Variants in LRIG2 observed in about 807,000 individuals in gnomAD.
The protein encoded by LRIG2 is leucine-rich repeats and immunoglobulin-like domains protein 2.
In LRIG2, 93 loss-of-function variants were observed where a neutral mutation model predicts 107.8. The observed-to-expected ratio is 0.86, with a 90% CI of 0.73 to 1.03. The LOEUF is 1.03. Ranked by LOEUF, LRIG2 falls within the 50% of genes least tolerant of loss-of-function variation. LRIG2 has a pLI of 0.00. For missense variants in LRIG2, 1,226 were observed against 1,296.0 expected (o/e 0.95, Z 0.83); for synonymous variants, 471 against 470.6 (o/e 1.00, Z -0.01).
chr1:113,104,930 G>A (rs981245468), intron 11 of LRIG2, among the ~76,000 whole-genome samples: 1 of 152,060 alleles, frequency 6.6e-6, no homozygotes, highest in Non-Finnish European at 1.5e-5. Context: ...GGCAGATCAC[G>A]AGGTCATGAG....
chr1:113,114,342 AC>A, intron 14 of LRIG2, 84 bp from the exon 15 acceptor site: 2 of 750,056 alleles, frequency 2.7e-6, no homozygotes, highest in Non-Finnish European at 4.3e-6. Flanking sequence ...ATTTTATTAT[AC>A]CCCCATTGGT....
In LRIG2 at chr1:113,115,806, G is replaced by A. The variant is rs1216792; in HGVS notation, c.2531-481G>A. Among the ~76,000 whole-genome samples, 661 of 152,282 alleles carry A rather than the reference G, an allele frequency of 4.3e-3. 4 individuals are homozygous for A. Among genetic ancestry groups the A allele is most frequent in the African/African-American group, 0.015 (636 of 41,548 alleles). ...CTCCCAGAGGGCTGGGATTACAAGC[G>A]TGAGCCACCACGCCCGGCCAAACTT... On this transcript the variant is annotated intron_variant, in intron 15 of 17. Transcript: ENST00000361127.
intron 1 of LRIG2, among the ~76,000 whole-genome samples, chr1:113,082,127 C>G (rs1477172065): frequency 6.6e-6 from 1 of 152,232 alleles, no homozygotes; most frequent in African/African-American, 2.4e-5. Flanking sequence ...TTGCAACAGT[C>G]ATTTCAAAGC....
At position 113,080,540 on chromosome 1, in the gene LRIG2, C is replaced by T. The variant is rs540716146; in HGVS notation, c.239+6895C>T. 2.8e-3 allele frequency among the ~76,000 whole-genome samples: 423 copies of T among 151,964 alleles called. 2 individuals carry two copies. Among genetic ancestry groups the T allele is most frequent in the African/African-American group, 8.8e-3 (365 of 41,464 alleles). On this transcript the variant is annotated intron_variant, in intron 1 of 17. Coordinates refer to ENST00000361127, the MANE Select transcript of LRIG2 (RefSeq NM_014813.3). ...GACTACAGGCACCTACCACCACGCCCGGCTAATTTTTTGTATTTTCAGTAG... is the reference window on the plus strand; with the variant it reads ...GACTACAGGCACCTACCACCACGCCTGGCTAATTTTTTGTATTTTCAGTAG...
At chr1:113,098,171 G>GC (rs1477401563) in intron 8 of LRIG2, among the ~76,000 whole-genome samples, 3 of 152,076 alleles carry the variant, frequency 2.0e-5, no homozygotes, top group African/African-American at 7.2e-5. Context: ...CTGATGACAC[G>GC]CTAACACATG....
chr1:113,107,177 G>A (rs2101050921), intron 11 of LRIG2, among the ~76,000 whole-genome samples: 1 of 152,126 alleles, frequency 6.6e-6, no homozygotes, highest in South Asian at 2.1e-4. Context: ...TATTTTTTAA[G>A]AACAAGTACA....
chr1:113,084,040 A>ACAATAT (rs1653422910), intron 1 of LRIG2, among the ~76,000 whole-genome samples: 1 of 129,342 alleles, frequency 7.7e-6, no homozygotes, highest in Non-Finnish European at 1.7e-5. Flanking sequence ...AATAATAATA[A>ACAATAT]TATTGGCCTT....
At chr1:113,104,503 A>G (rs1194711143) in intron 11 of LRIG2, among the ~76,000 whole-genome samples, 4 of 151,894 alleles carry the variant, frequency 2.6e-5, no homozygotes, top group Non-Finnish European at 5.9e-5. Flanking sequence ...GAGATTACAC[A>G]TCATGGCAAA....
At chr1:113,094,996 A>G (rs1331417409) in intron 6 of LRIG2, among the ~76,000 whole-genome samples, 3 of 82,032 alleles carry the variant, frequency 3.7e-5, no homozygotes, top group East Asian at 5.3e-4. Flanking sequence ...TTTTTTTGAG[A>G]TGGAGTCTCA....
chr1:113,118,704 G>C (rs1294160720), intron 16 of LRIG2, among the ~76,000 whole-genome samples: 2 of 150,702 alleles, frequency 1.3e-5, no homozygotes, highest in Admixed American at 1.3e-4. Context: ...TCGCTGTGTC[G>C]CCCAGGCTGG....
chr1:113,114,634 A>C lies in LRIG2; in HGVS notation c.2288A>C (p.Lys763Thr), dbSNP rs1218452503. The change falls in exon 15 of 18, where the codon AAA (lysine) becomes ACA (threonine). Residue 763 changes from lysine (K) to threonine (T), a missense_variant. By Grantham distance (78) the Lys-to-Thr change is moderately conservative. This residue lies in a region of LRIG2 where 642 missense variants were observed against 712.2 expected (regional missense o/e 0.90). Transcript: ENST00000361127. ...GATGCCGGGCTAGAAGATGCTGGGAAATATACCTGCATTATGTCTAACACC... is the reference window on the plus strand; with the variant it reads ...GATGCCGGGCTAGAAGATGCTGGGACATATACCTGCATTATGTCTAACACC... The part of the protein sequence containing the change: ...IVDAGLEDAG[K>T]YTCIMSNTLG... 6 of 1,614,028 alleles carry C rather than the reference A, an allele frequency of 3.7e-6. No homozygotes were observed. In the East Asian group the frequency reaches 1.3e-4, roughly 36 times the overall value.
intron 17 of LRIG2, 122 bp downstream of exon 17, chr1:113,119,645 G>A: frequency 1.2e-6 from 1 of 816,126 alleles, no homozygotes; most frequent in Non-Finnish European, 1.9e-6. Context: ...AGGAGTAACT[G>A]GCCATTGTTA....
intron 1 of LRIG2, 40 bp downstream of exon 1, chr1:113,073,685 G>T (rs1176953235): frequency 6.4e-7 from 1 of 1,572,088 alleles, no homozygotes; most frequent in South Asian, 1.1e-5. Flanking sequence ...AAAGGAGGGG[G>T]AGCCTTCCCT....
At chr1:113,092,281 A>G (rs1653862711) in intron 2 of LRIG2, among the ~76,000 whole-genome samples, 1 of 152,220 alleles carries the variant, frequency 6.6e-6, no homozygotes, top group South Asian at 2.1e-4. Flanking sequence ...GAGGTTGTTC[A>G]GTGACTAAAA....
Position 113,129,898 on chromosome 1 carries a change from C to CTT in LRIG2, c.*5806_*5807dup. On this transcript the variant is annotated 3_prime_UTR_variant, in exon 18 of 18. Coordinates refer to ENST00000361127, the MANE Select transcript of LRIG2 (RefSeq NM_014813.3). ...GCTTTCTGTCACTCCGCAACTTGTA[C>CTT]TTTTTTTTTTGAGACAGGGTTTCAC... 1 of 149,418 alleles carries CTT rather than the reference C, an allele frequency of 6.7e-6. No individual in the cohort carries two copies. The highest frequency in any genetic ancestry group is 1.5e-5 in the Non-Finnish European group (1 of 67,128). 9.3% of individuals were successfully genotyped at this position (149,418 alleles called of 1,614,324 possible). A position where few individuals can be genotyped will look rare whatever the true frequency, so the allele number is the denominator to read the frequency against.
intron 17 of LRIG2, among the ~76,000 whole-genome samples, chr1:113,119,745 A>G (rs1253653811): frequency 1.3e-5 from 2 of 152,182 alleles, no homozygotes; most frequent in African/African-American, 4.8e-5. Context: ...TGTGGGGGTA[A>G]CAGGATCACA....
At chr1:113,116,263 G>A in intron 15 of LRIG2, 24 bp from the exon 16 acceptor site, 1 of 1,593,310 alleles carries the variant, frequency 6.3e-7, no homozygotes, top group Non-Finnish European at 8.6e-7. Flanking sequence ...CTACCTTTGA[G>A]AGTTAAAAAT....
intron 6 of LRIG2, 26 bp from the exon 7 acceptor site, chr1:113,095,848 T>G (rs1654037044): frequency 4.3e-6 from 7 of 1,613,680 alleles, no homozygotes; most frequent in Non-Finnish European, 5.9e-6. Flanking sequence ...TGGAACGTAT[T>G]TTCTTCTCTT....
chr1:113,112,002 A>C (rs968710160), intron 13 of LRIG2, among the ~76,000 whole-genome samples: 10 of 152,206 alleles, frequency 6.6e-5, no homozygotes, highest in Admixed American at 1.3e-4. Flanking sequence ...TACGAAGTTC[A>C]AAGAAGGTTT....
Sources: allele counts gnomAD v4.1 joint callset (sites outside exome capture counted in the v4.1 genomes callset), GRCh38; gene constraint gnomAD v4.1.1; regional missense constraint gnomAD v4.1.1; transcripts MANE v1.5; gene names NCBI Gene and HGNC (gene_info 2026-07-23, HGNC 2026-07-21).